The following PIEZO2 variants were observed in gnomAD, a reference collection of about 807,000 sequenced individuals.
PIEZO2 encodes piezo type mechanosensitive ion channel component 2.
PIEZO2 carries 172 observed loss-of-function variants against 337.3 expected under a neutral mutation model. That is an observed-to-expected ratio of 0.51 (90% CI 0.45 to 0.58). The LOEUF (loss-of-function observed/expected upper bound fraction) is 0.58, where lower values mean the gene tolerates loss of function less well. PIEZO2 is among the 20% of genes least tolerant of loss of function. The pLI, the probability that PIEZO2 is intolerant of heterozygous loss-of-function variation, is 0.00. For missense variants in PIEZO2, 3,028 were observed against 3,391.3 expected (o/e 0.89, Z 2.66); for synonymous variants, 1,251 against 1,228.5 (o/e 1.02, Z -0.38).
At position 11,078,933 on chromosome 18, in the gene PIEZO2, T is replaced by C. The variant is rs2038643145; in HGVS notation, c.65-12711A>G. 6.6e-6 allele frequency among the ~76,000 whole-genome samples: 1 copy of C among 152,260 alleles called. No individual in the cohort carries two copies. Among genetic ancestry groups the C allele is most frequent in the African/African-American group, 2.4e-5 (1 of 41,476 alleles). ...TGTTTCCCAGGCTGCCTCAGCCTTC[T>C]GCTCTATTACCCTTCTTTTCAGTCT... On this transcript the variant is annotated intron_variant, in intron 1 of 55. Coordinates refer to ENST00000674853, the MANE Select transcript of PIEZO2 (RefSeq NM_001378183.1). This position sits in a 1 kb window ranked among gnomAD's most constrained non-coding sequence, Gnocchi z 5.3.
In PIEZO2 at chr18:11,132,135, T is replaced by C. The variant is rs2040357461; in HGVS notation, c.64+16390A>G. On this transcript the variant is annotated intron_variant, in intron 1 of 55. Coordinates refer to ENST00000674853, the MANE Select transcript of PIEZO2 (RefSeq NM_001378183.1). The surrounding 1 kb of genome is among the most constrained non-coding windows in gnomAD (Gnocchi z 4.7). ...TCTTCCAACATGGAAAGAGGAGAGATTTGTTCTCACTGGAATAGACACTTA... is the reference window on the plus strand; with the variant it reads ...TCTTCCAACATGGAAAGAGGAGAGACTTGTTCTCACTGGAATAGACACTTA... Among the ~76,000 whole-genome samples, 1 of 152,246 alleles carries C rather than the reference T, an allele frequency of 6.6e-6. No individual in the cohort carries two copies. Among genetic ancestry groups the C allele is most frequent in the African/African-American group, 2.4e-5 (1 of 41,542 alleles).
chr18:10,935,001 G>A (rs929164125), intron 3 of PIEZO2, among the ~76,000 whole-genome samples: 1 of 152,072 alleles, frequency 6.6e-6, no homozygotes, highest in African/African-American at 2.4e-5. Context: ...GAAAAGCCAG[G>A]ATTCTCACAC....
Position 10,903,039 on chromosome 18 carries a change from C to T in PIEZO2, c.329+8147G>A, listed in dbSNP as rs781601902. On this transcript the variant is annotated intron_variant, in intron 4 of 55. Transcript: ENST00000674853. This position sits in a 1 kb window ranked among gnomAD's most constrained non-coding sequence, Gnocchi z 4.1. ...TATCCCCAGCCTTTCCAGGCTGCCC[C>T]GGGGAGACAGCAGCTATGGGGAGGC... 2.6e-5 allele frequency among the ~76,000 whole-genome samples: 4 copies of T among 152,124 alleles called. No individual in the cohort carries two copies. The highest frequency in any genetic ancestry group is 1.9e-4 in the East Asian group (1 of 5,188).
chr18:11,121,489 C>A (rs2040027325), intron 1 of PIEZO2, among the ~76,000 whole-genome samples: 1 of 152,104 alleles, frequency 6.6e-6, no homozygotes, highest in South Asian at 2.1e-4. Context: ...TCCCTTGATT[C>A]CAGGAGTTCA....
At chr18:11,093,211 G>C (rs574256247) in intron 1 of PIEZO2, among the ~76,000 whole-genome samples, 1 of 152,130 alleles carries the variant, frequency 6.6e-6, no homozygotes, top group Admixed American at 6.6e-5. Flanking sequence ...GTGCATCCTG[G>C]GTAAAGCGGA....
chr18:11,081,949 G>A (rs2865136), intron 1 of PIEZO2, among the ~76,000 whole-genome samples: 40,532 of 151,648 alleles, frequency 0.27, 6,018 homozygotes, highest in East Asian at 0.56. Context: ...TAGTAGAGAC[G>A]GGGTTTCACC....
chr18:10,829,899 T>C (rs1017518597), intron 7 of PIEZO2, among the ~76,000 whole-genome samples: 5 of 148,142 alleles, frequency 3.4e-5, no homozygotes, highest in African/African-American at 1.3e-4. Flanking sequence ...GCAATCCATA[T>C]AAAAATAGTA....
chr18:10,707,996 T>C lies in PIEZO2; in HGVS notation c.5588+279A>G, dbSNP rs917231644. Among the ~76,000 whole-genome samples the C allele has an allele frequency of 6.6e-6, 1 of 152,272 alleles. No homozygotes were observed. Among genetic ancestry groups the C allele is most frequent in the Middle Eastern group, 3.4e-3 (1 of 294 alleles). On this transcript the variant is annotated intron_variant, in intron 40 of 55. Transcript: ENST00000674853. The surrounding 1 kb of genome is among the most constrained non-coding windows in gnomAD (Gnocchi z 4.2). Reference sequence around the variant, plus strand: ...GCTTATGTCTCTGAAAATGGAAAGTTTGAAATACTGAAAACATGGAGGAGA... The same window carrying C: ...GCTTATGTCTCTGAAAATGGAAAGTCTGAAATACTGAAAACATGGAGGAGA...
At chr18:10,718,079 A>T in intron 37 of PIEZO2, 121 bp downstream of exon 37, 1 of 841,602 alleles carries the variant, frequency 1.2e-6, no homozygotes. Context: ...CTGATTATTT[A>T]CTCATAGTCC....
rs1287126899 is a variant in PIEZO2, at chr18:10,784,746, C to T, written c.2492+38G>A. On this transcript the variant is annotated intron_variant, in intron 17 of 55. Coordinates refer to ENST00000674853, the MANE Select transcript of PIEZO2 (RefSeq NM_001378183.1). This position sits in a 1 kb window ranked among gnomAD's most constrained non-coding sequence, Gnocchi z 4.5. Reference sequence around the variant, plus strand: ...AAGGTAGGGTTGAAGAGCTGCCTTCCTGCTAATAAGAGGTCTGTGTTTCTT... The same window carrying T: ...AAGGTAGGGTTGAAGAGCTGCCTTCTTGCTAATAAGAGGTCTGTGTTTCTT... 1 of 1,465,056 alleles carries T rather than the reference C, an allele frequency of 6.8e-7. No individual in the cohort carries two copies. Among genetic ancestry groups the T allele is most frequent in the Non-Finnish European group, 9.0e-7 (1 of 1,105,354 alleles). The allele number at this position is 1,465,056 out of a possible 1,614,324, so 90.8% of individuals were successfully genotyped here.
intron 2 of PIEZO2, among the ~76,000 whole-genome samples, chr18:11,062,105 C>A (rs1407407277): frequency 6.6e-6 from 1 of 152,016 alleles, no homozygotes; most frequent in South Asian, 2.1e-4. Context: ...AATAATGCCG[C>A]ATACCTACAA....
chr18:10,749,922 T>C (rs1452825304), intron 29 of PIEZO2, among the ~76,000 whole-genome samples, 169 bp downstream of exon 29: 1 of 152,262 alleles, frequency 6.6e-6, no homozygotes, highest in Non-Finnish European at 1.5e-5. Flanking sequence ...AGGCATCTCA[T>C]GTTATAGACA....
rs1350559838 is a variant in PIEZO2, at chr18:10,863,114, GTCA to G, written c.493-5906_493-5904del. Among the ~76,000 whole-genome samples, 26 of 152,116 alleles carry G rather than the reference GTCA, an allele frequency of 1.7e-4. No homozygotes were observed. Among genetic ancestry groups the G allele is most frequent in the African/African-American group, 6.3e-4 (26 of 41,414 alleles). ...GGCAAAAGGAGCATTTTTCTGAAGT[GTCA>G]TCAATTGTTTATTCATTGTTTATTA... On this transcript the variant is annotated intron_variant, in intron 5 of 55. Transcript: ENST00000674853. This position sits in a 1 kb window ranked among gnomAD's most constrained non-coding sequence, Gnocchi z 4.3.
intron 1 of PIEZO2, among the ~76,000 whole-genome samples, chr18:11,130,737 T>A (rs565124919): frequency 2.0e-5 from 3 of 152,190 alleles, no homozygotes; most frequent in Non-Finnish European, 2.9e-5. Flanking sequence ...AGGTAAAGGA[T>A]AAGTTGCTGC....
intron 3 of PIEZO2, among the ~76,000 whole-genome samples, chr18:10,946,046 T>C (rs547031602): frequency 2.0e-5 from 3 of 152,294 alleles, no homozygotes; most frequent in South Asian, 2.1e-4. Flanking sequence ...ATACATGTAA[T>C]TGGACCCCAA....
intron 39 of PIEZO2, among the ~76,000 whole-genome samples, chr18:10,709,776 G>A (rs2035744309): frequency 6.6e-6 from 1 of 152,258 alleles, no homozygotes; most frequent in Non-Finnish European, 1.5e-5. Context: ...TGCTGTGCAT[G>A]TTACAGCTAT....
chr18:10,740,957 G>T, intron 33 of PIEZO2, 74 bp downstream of exon 33: 1 of 1,422,526 alleles, frequency 7.0e-7, no homozygotes. Context: ...CATGGGTCAC[G>T]GGAACGCCTG....
chr18:10,754,251 T>A (rs1479523054), intron 27 of PIEZO2, among the ~76,000 whole-genome samples: 1 of 152,248 alleles, frequency 6.6e-6, no homozygotes, highest in Non-Finnish European at 1.5e-5. Context: ...ATAGAGAGAC[T>A]GAACCCTGGT....
chr18:10,869,951 CTG>C (rs1351840318), intron 5 of PIEZO2, among the ~76,000 whole-genome samples: 31 of 152,152 alleles, frequency 2.0e-4, no homozygotes, highest in African/African-American at 7.2e-4. Flanking sequence ...TCTCGGCTCA[CTG>C]CAACCTCTAC....
Sources: gnomAD v4.1 joint callset for allele counts (sites outside exome capture counted in the v4.1 genomes callset) on GRCh38, gnomAD v4.1.1 for gene constraint, Gnocchi (gnomAD v3.1) non-coding constraint, MANE v1.5 for transcripts, NCBI Gene and HGNC (gene_info 2026-07-23, HGNC 2026-07-21) for gene names.